The following SETD2 variants were observed in gnomAD, a reference collection of about 807,000 sequenced individuals.
SETD2 encodes histone-lysine N-methyltransferase SETD2.
A neutral mutation model predicts 242.1 loss-of-function variants in SETD2; 31 were observed. The observed-to-expected ratio is 0.13, with a 90% CI of 0.10 to 0.17. The LOEUF (loss-of-function observed/expected upper bound fraction) is 0.17. Among genes scored for constraint, SETD2 ranks in the 10% least tolerant of loss-of-function variants. The pLI is 1.00. For synonymous variants in SETD2, 1,006 were observed against 1,066.5 expected (o/e 0.94, Z 1.11); for missense variants, 2,481 against 3,046.3 (o/e 0.81, Z 4.37).
chr3:47,152,894 G>A (rs966094830), intron 1 of SETD2, among the ~76,000 whole-genome samples: 4 of 152,218 alleles, frequency 2.6e-5, no homozygotes, highest in African/African-American at 9.6e-5. Flanking sequence ...CTTGCAAGAT[G>A]TTAGCATTTG....
At chr3:47,021,470 G>A (rs980204302) in intron 18 of SETD2, among the ~76,000 whole-genome samples, 3 of 152,138 alleles carry the variant, frequency 2.0e-5, no homozygotes, top group African/African-American at 7.2e-5. Context: ...ACTTGATGAG[G>A]TTGGCGGGGG....
chr3:47,139,244 A>C (rs187031427), intron 1 of SETD2, among the ~76,000 whole-genome samples: 1 of 152,178 alleles, frequency 6.6e-6, no homozygotes, highest in African/African-American at 2.4e-5. Flanking sequence ...ATCTACCTTA[A>C]TCCACTCAGG....
Position 47,121,246 on chromosome 3 carries a change from C to T in SETD2, c.3390G>A (p.Lys1130=), listed in dbSNP as rs773475708. 6.2e-6 allele frequency: 10 copies of T among 1,614,066 alleles called. No individual in the cohort carries two copies. The Admixed American group carries it at 1.7e-4, about 27-fold the overall frequency. ...IASKACPQTD[K]FFLHKGTEKN... is the part of the protein sequence containing the mutation. ...TCTCTGTTCCTTTATGAAGGAAAAA[C>T]TTATCAGTTTGAGGACAGGCTTTAC... Residue 1130 remains lysine, a synonymous_variant, in exon 3 of 21, where the codon AAG becomes AAA. Coordinates refer to ENST00000409792, the MANE Select transcript of SETD2 (RefSeq NM_014159.7).
chr3:47,116,627 C>T lies in SETD2; in HGVS notation c.4582G>A (p.Glu1528Lys), dbSNP rs2107727829. 1 of 1,608,062 alleles carries T rather than the reference C, an allele frequency of 6.2e-7. No individual in the cohort carries two copies. The highest frequency in any genetic ancestry group is 8.5e-7 in the Non-Finnish European group (1 of 1,178,144). Reference protein sequence around the residue: ...EDCLNRLLMIECSSRCPNGDY... With the variant: ...EDCLNRLLMIKCSSRCPNGDY... ...CGAGTATTCTAATTTACTTACCATT[C>T]AATCATGAGAAGACGATTAAGACAA... is the stretch of plus-strand genomic sequence containing the variant. Residue 1528 changes from glutamate (E) to lysine (K), a missense_variant, in exon 4 of 21, where the codon GAA (glutamate) becomes AAA (lysine). Around this residue, in one of 17 missense-constraint regions of SETD2, gnomAD observed 61 missense variants for 221.4 expected, o/e 0.28. Transcript: ENST00000409792.
At position 47,101,575 on chromosome 3, in the gene SETD2, C is replaced by G. The variant is rs375933330; in HGVS notation, c.4918-20G>C. 3.8e-4 allele frequency: 531 copies of G among 1,391,268 alleles called. 2 individuals are homozygous for G. Among genetic ancestry groups the G allele is most frequent in the South Asian group, 1.4e-3 (123 of 86,224 alleles). 86.2% of individuals were successfully genotyped at this position (1,391,268 alleles called of 1,614,324 possible). A position where few individuals can be genotyped will look rare whatever the true frequency, so the allele number is the denominator to read the frequency against. ...AGTCCACTGAGATGATGTTTGAAAA[C>G]AAAAGAAATTAGTAACTTATTAGTG... On this transcript the variant is annotated intron_variant, in intron 7 of 20. Coordinates refer to ENST00000409792, the MANE Select transcript of SETD2 (RefSeq NM_014159.7).
intron 12 of SETD2, among the ~76,000 whole-genome samples, chr3:47,081,258 T>G (rs1221520825): frequency 6.6e-6 from 1 of 152,150 alleles, no homozygotes; most frequent in Non-Finnish European, 1.5e-5. Context: ...TCCCTTTCTG[T>G]TCTTCACTCC....
At chr3:47,071,459 C>T (rs1029901686) in intron 12 of SETD2, among the ~76,000 whole-genome samples, 17 of 152,276 alleles carry the variant, frequency 1.1e-4, no homozygotes, top group Admixed American at 9.2e-4. Context: ...GCTACATAAA[C>T]TCAAAATACT....
intron 1 of SETD2, among the ~76,000 whole-genome samples, chr3:47,154,942 C>T (rs2044092680): frequency 2.0e-5 from 3 of 151,574 alleles, no homozygotes; most frequent in South Asian, 2.1e-4. Context: ...TGCAGTGAGC[C>T]GAGATCGCAC....
chr3:47,072,201 G>C (rs1414355388), intron 12 of SETD2, among the ~76,000 whole-genome samples: 1 of 152,060 alleles, frequency 6.6e-6, no homozygotes, highest in African/African-American at 2.4e-5. Context: ...CCAGCTACTG[G>C]GGAGGCTGAG....
intron 1 of SETD2, among the ~76,000 whole-genome samples, chr3:47,134,502 T>TA (rs1029040666): frequency 2.6e-5 from 4 of 152,174 alleles, no homozygotes; most frequent in African/African-American, 9.7e-5. Context: ...AATCCTTCTG[T>TA]AGGCTAGAGT....
At chr3:47,125,308 G>A (rs1345861472) in intron 2 of SETD2, among the ~76,000 whole-genome samples, 1 of 147,956 alleles carries the variant, frequency 6.8e-6, no homozygotes, top group African/African-American at 2.5e-5. Context: ...AACAGAGCGA[G>A]CCTCTGTCTC....
intron 1 of SETD2, among the ~76,000 whole-genome samples, chr3:47,144,789 TGTC>T (rs1247329775): frequency 6.6e-6 from 1 of 151,866 alleles, no homozygotes; most frequent in African/African-American, 2.4e-5. Context: ...TAAAACCCCA[TGTC>T]TACAAAAAAT....
At chr3:47,056,418 C>A (rs902702206) in intron 15 of SETD2, among the ~76,000 whole-genome samples, 1 of 152,092 alleles carries the variant, frequency 6.6e-6, no homozygotes, top group East Asian at 1.9e-4. Context: ...TGAGCTACCA[C>A]GCCTGGCCTG....
intron 15 of SETD2, among the ~76,000 whole-genome samples, chr3:47,047,866 G>A (rs556491593): frequency 1.3e-5 from 2 of 152,172 alleles, no homozygotes; most frequent in African/African-American, 4.8e-5. Flanking sequence ...TCATTGTTGT[G>A]GTAACATCAT....
chr3:47,016,563 C>G lies in SETD2; in HGVS notation c.*530G>C, dbSNP rs1387349618. 3 of 233,628 alleles carry G rather than the reference C, an allele frequency of 1.3e-5. No individual in the cohort carries two copies. Among genetic ancestry groups the G allele is most frequent in the African/African-American group, 6.6e-5 (3 of 45,320 alleles). The allele number at this position is 233,628 out of a possible 1,614,324, so 14.5% of individuals were successfully genotyped here. A position where few individuals can be genotyped will look rare whatever the true frequency, so the allele number is the denominator to read the frequency against. On this transcript the variant is annotated 3_prime_UTR_variant, in exon 21 of 21. Coordinates refer to ENST00000409792, the MANE Select transcript of SETD2 (RefSeq NM_014159.7). The stretch of plus-strand genomic sequence containing the variant: ...CTGGCCAAAACCACAAGGCAGCCTG[C>G]TTTAGAATATTTACATGATAACAAA...
rs1423191971 is a variant in SETD2 at position 47,122,634 on chromosome 3, G to C, written c.2002C>G (p.Pro668Ala). ...GATCCATTTATATTTAATTCTATGG[G>C]ACAAAAACTTCTTAATTGATCATTC... The part of the protein sequence containing the change: ...VKNDQLRSFC[P>A]IELNINGSPG... Residue 668 changes from proline (P) to alanine (A), a missense_variant, in exon 3 of 21, where the codon CCC becomes GCC. Pro to Ala is a conservative substitution (Grantham distance 27). This residue lies in a region of SETD2 where 1,300 missense variants were observed against 1,259.2 expected (regional missense o/e 1.03). Coordinates refer to ENST00000409792, the MANE Select transcript of SETD2 (RefSeq NM_014159.7). The C allele has an allele frequency of 6.2e-7, 1 of 1,613,518 alleles. No homozygotes were observed. The highest frequency in any genetic ancestry group is 8.5e-7 in the Non-Finnish European group (1 of 1,179,688).
intron 10 of SETD2, among the ~76,000 whole-genome samples, chr3:47,087,407 T>C (rs1053797032): frequency 8.6e-5 from 13 of 151,910 alleles, no homozygotes; most frequent in Admixed American, 8.5e-4. Flanking sequence ...TCATAAGGAG[T>C]GTACAACCTA....
chr3:47,045,828 T>G (rs1274106737), intron 16 of SETD2, among the ~76,000 whole-genome samples: 1 of 145,162 alleles, frequency 6.9e-6, no homozygotes, highest in Non-Finnish European at 1.5e-5. Flanking sequence ...TGGGCTGGAG[T>G]GCAGTGGCGC....
intron 1 of SETD2, among the ~76,000 whole-genome samples, chr3:47,138,807 C>G (rs2043655014): frequency 6.6e-6 from 1 of 152,048 alleles, no homozygotes; most frequent in Non-Finnish European, 1.5e-5. Context: ...CTCAAGTGAT[C>G]TGCCCACCTC....
Sources: allele counts gnomAD v4.1 joint callset (sites outside exome capture counted in the v4.1 genomes callset), GRCh38; gene constraint gnomAD v4.1.1; regional missense constraint gnomAD v4.1.1; transcripts MANE v1.5; gene names NCBI Gene and HGNC (gene_info 2026-07-23, HGNC 2026-07-21).